SMARCB1: variants seen among roughly 807,000 people sequenced by gnomAD.
SMARCB1 encodes the protein SWI/SNF related BAF chromatin remodeling complex subunit B1.
A neutral mutation model predicts 49.0 loss-of-function variants in SMARCB1; 5 were observed. That is an observed-to-expected ratio of 0.10 (90% CI 0.05 to 0.21). The LOEUF (loss-of-function observed/expected upper bound fraction) is 0.21, where lower values mean the gene tolerates loss of function less well. Ranked by LOEUF, SMARCB1 falls within the 10% of genes least tolerant of loss-of-function variation. SMARCB1 has a pLI of 1.00. For missense variants in SMARCB1, 226 were observed against 509.2 expected, an observed-to-expected ratio of 0.44 and a Z score of 5.35; for synonymous variants, 201 against 200.1, an observed-to-expected ratio of 1.00 and a Z score of -0.04.
rs367605737 is a variant in SMARCB1, at chr22:23,837,869, A to G, written c.*3689A>G. 6 of 1,606,942 alleles carry G rather than the reference A, an allele frequency of 3.7e-6. 1 individual carries two copies. The South Asian group carries it at 4.4e-5, about 12-fold the overall frequency. ...AGTCCCAGCAGCTGGGCCAGAGTCA[A>G]GGTGCTCCGGTGCAGGCCTCAGCCC... On this transcript the variant is annotated 3_prime_UTR_variant, in exon 9 of 9. Coordinates refer to ENST00000644036, the MANE Select transcript of SMARCB1 (RefSeq NM_003073.5).
At chr22:23,825,628 T>C in intron 7 of SMARCB1, 2 of 580,026 alleles carry the variant, frequency 3.4e-6, no homozygotes, top group Non-Finnish European at 6.1e-6. Context: ...CCTAACACAA[T>C]AGCTGGCAAA....
intron 5 of SMARCB1, among the ~76,000 whole-genome samples, chr22:23,813,252 T>TA (rs1929988299): frequency 6.6e-6 from 1 of 152,252 alleles, no homozygotes; most frequent in South Asian, 2.1e-4. Flanking sequence ...TCACTATTCT[T>TA]ATTCAACATA....
At chr22:23,790,608 C>T (rs1301393662) in intron 1 of SMARCB1, among the ~76,000 whole-genome samples, 4 of 151,816 alleles carry the variant, frequency 2.6e-5, no homozygotes, top group South Asian at 2.1e-4. Context: ...TTTGGGAGGC[C>T]GAGGTGGGCA....
At position 23,837,977 on chromosome 22, in the gene SMARCB1, G is replaced by A; in HGVS notation, c.*3797G>A. 1 of 1,257,880 alleles carries A rather than the reference G, an allele frequency of 7.9e-7. No individual in the cohort carries two copies. Among genetic ancestry groups the A allele is most frequent in the Non-Finnish European group, 1.1e-6 (1 of 928,372 alleles). The allele number at this position is 1,257,880 out of a possible 1,614,324, so 77.9% of individuals were successfully genotyped here. A position where few individuals can be genotyped will look rare whatever the true frequency, so the allele number is the denominator to read the frequency against. Reference sequence around the variant, plus strand: ...ATGTGCTATTCCCTCATCAAGATGAGCCAGTCCAATAAAGGCGACACACTC... The same window carrying A: ...ATGTGCTATTCCCTCATCAAGATGAACCAGTCCAATAAAGGCGACACACTC... On this transcript the variant is annotated 3_prime_UTR_variant, in exon 9 of 9. Coordinates refer to ENST00000644036, the MANE Select transcript of SMARCB1 (RefSeq NM_003073.5).
At chr22:23,800,842 C>T in intron 3 of SMARCB1, 102 bp from the exon 4 acceptor site, 1 of 929,584 alleles carries the variant, frequency 1.1e-6, no homozygotes, top group Non-Finnish European at 1.8e-6. Flanking sequence ...AGCCTCGAGC[C>T]TGACAGAGGT....
chr22:23,819,160 T>C (rs1269894458), intron 6 of SMARCB1, among the ~76,000 whole-genome samples: 1 of 152,164 alleles, frequency 6.6e-6, no homozygotes, highest in Admixed American at 6.5e-5. Flanking sequence ...CCTCCTTTCT[T>C]ATTAAGGCTA....
chr22:23,794,028 T>C (rs1281157639), intron 3 of SMARCB1, among the ~76,000 whole-genome samples: 1 of 152,180 alleles, frequency 6.6e-6, no homozygotes, highest in Non-Finnish European at 1.5e-5. Flanking sequence ...CACTGCAACT[T>C]CTGCCTACTG....
chr22:23,804,741 A>G (rs920793259), intron 5 of SMARCB1, among the ~76,000 whole-genome samples: 2 of 152,138 alleles, frequency 1.3e-5, no homozygotes, highest in South Asian at 4.1e-4. Context: ...ATAGGGTTTC[A>G]CCATGTTAGC....
Position 23,834,688 on chromosome 22 carries a change from A to T in SMARCB1, c.*508A>T. On this transcript the variant is annotated 3_prime_UTR_variant, in exon 9 of 9. Coordinates refer to ENST00000644036, the MANE Select transcript of SMARCB1 (RefSeq NM_003073.5). ...GGTGGGGGTGAATGGGGCTCCGGGT[A>T]GCACCTCAGCTCCTCTCAGCTCCCC... 1 of 1,217,820 alleles carries T rather than the reference A, an allele frequency of 8.2e-7. No individual in the cohort carries two copies. The highest frequency in any genetic ancestry group is 1.5e-5 in the South Asian group (1 of 65,886). 75.4% of individuals were successfully genotyped at this position (1,217,820 alleles called of 1,614,324 possible).
intron 1 of SMARCB1, among the ~76,000 whole-genome samples, chr22:23,788,117 G>C (rs1928129099): frequency 6.6e-6 from 1 of 150,768 alleles, no homozygotes; most frequent in South Asian, 2.1e-4. Flanking sequence ...CAAGCAGTCT[G>C]CCCGTCTGGG....
rs1444656858 is a variant in SMARCB1 at position 23,835,310 on chromosome 22, T to C, written c.*1130T>C. The C allele has an allele frequency of 9.7e-6, 10 of 1,030,086 alleles. No individual in the cohort carries two copies. The highest frequency in any genetic ancestry group is 1.2e-5 in the Non-Finnish European group (10 of 860,092). 63.8% of individuals were successfully genotyped at this position (1,030,086 alleles called of 1,614,324 possible). ...AACTGGCTCGCAGCTCCAGCCTTAC[T>C]GAAGAGAATGGGCACAGATCCGGGC... On this transcript the variant is annotated 3_prime_UTR_variant, in exon 9 of 9. Coordinates refer to ENST00000644036, the MANE Select transcript of SMARCB1 (RefSeq NM_003073.5).
chr22:23,800,054 C>T (rs1428823815), intron 3 of SMARCB1, among the ~76,000 whole-genome samples: 1 of 152,136 alleles, frequency 6.6e-6, no homozygotes, highest in African/African-American at 2.4e-5. Flanking sequence ...GTCTTGATCT[C>T]CTGACCTCAG....
chr22:23,787,643 G>A (rs1254781244), intron 1 of SMARCB1, among the ~76,000 whole-genome samples: 1 of 152,114 alleles, frequency 6.6e-6, no homozygotes, highest in Non-Finnish European at 1.5e-5. Flanking sequence ...TAAATTTCAC[G>A]TGCACCCCTC....
intron 6 of SMARCB1, chr22:23,817,985 C>T (rs2029879144): frequency 6.6e-6 from 1 of 152,168 alleles, no homozygotes; most frequent in Admixed American, 6.5e-5. Flanking sequence ...GCCACTAAGC[C>T]AGGCTAATTT....
In SMARCB1 at chr22:23,791,869, T is replaced by TA; in HGVS notation, c.214dup (p.Thr72AsnfsTer4). The TA allele has an allele frequency of 6.2e-7, 1 of 1,614,068 alleles. No individual in the cohort carries two copies. Among genetic ancestry groups the TA allele is most frequent in the Non-Finnish European group, 8.5e-7 (1 of 1,179,978 alleles). On this transcript the variant is annotated frameshift_variant, in exon 2 of 9. Coordinates refer to ENST00000644036, the MANE Select transcript of SMARCB1 (RefSeq NM_003073.5). LOFTEE classifies it high-confidence loss of function. The stretch of plus-strand genomic sequence containing the variant: ...AGAAAATAGTTGCATCGTCACATGG[T>TA]AAAAAAACAAAACCTAACACTAAGG...
intron 6 of SMARCB1, among the ~76,000 whole-genome samples, chr22:23,822,527 G>C (rs1296454338): frequency 1.3e-5 from 2 of 152,158 alleles, no homozygotes; most frequent in African/African-American, 4.8e-5. Flanking sequence ...CAGCATGGCA[G>C]CTCAGCCCAT....
chr22:23,798,974 C>T (rs535052931), intron 3 of SMARCB1, among the ~76,000 whole-genome samples: 54 of 150,508 alleles, frequency 3.6e-4, no homozygotes, highest in Admixed American at 1.8e-3. Context: ...GGCGTGAACC[C>T]GGGAGGCAGA....
At chr22:23,787,287 TC>T in intron 1 of SMARCB1, 25 bp downstream of exon 1, 2 of 1,433,868 alleles carry the variant, frequency 1.4e-6, no homozygotes, top group Non-Finnish European at 1.9e-6. Context: ...GTTCTCGCCC[TC>T]CCCGGGCTCG....
chr22:23,794,710 T>C (rs7288458), intron 3 of SMARCB1, among the ~76,000 whole-genome samples: 17,575 of 152,084 alleles, frequency 0.12, 2,748 homozygotes, highest in African/African-American at 0.36. Flanking sequence ...AGCAGCCTCA[T>C]CCACATGGAG....
Sources: allele counts gnomAD v4.1 joint callset (sites outside exome capture counted in the v4.1 genomes callset), GRCh38; gene constraint gnomAD v4.1.1; transcripts MANE v1.5; gene names NCBI Gene and HGNC (gene_info 2026-07-23, HGNC 2026-07-21).